RIN3: variants seen among roughly 807,000 people sequenced by gnomAD.
RIN3 encodes Ras and Rab interactor 3, also known as RAB5 interacting protein 3.
A neutral mutation model predicts 76.3 loss-of-function variants in RIN3; 54 were observed. The ratio of observed to expected loss-of-function variants is 0.71; its 90% confidence interval spans 0.57 to 0.89. The LOEUF (loss-of-function observed/expected upper bound fraction) is 0.89. Ranked by LOEUF, RIN3 falls within the 40% of genes least tolerant of loss-of-function variation. RIN3 has a pLI of 0.00. For synonymous variants in RIN3, 576 were observed against 564.0 expected (o/e 1.02, Z -0.30); for missense variants, 1,256 against 1,322.1 (o/e 0.95, Z 0.78).
chr14:92,594,420 G>A (rs1250083830), intron 3 of RIN3, among the ~76,000 whole-genome samples: 1 of 127,948 alleles, frequency 7.8e-6, no homozygotes, highest in African/African-American at 3.0e-5. Flanking sequence ...CAACAAGAGC[G>A]AAACTCTGTC....
intron 1 of RIN3, among the ~76,000 whole-genome samples, chr14:92,551,773 C>T (rs1238040428): frequency 6.6e-6 from 1 of 152,184 alleles, no homozygotes; most frequent in East Asian, 1.9e-4. Context: ...CTGTTCAAAT[C>T]TCTTGCCCAT....
At chr14:92,682,738 C>T (rs141373851) in intron 8 of RIN3, among the ~76,000 whole-genome samples, 2,648 of 152,334 alleles carry the variant, frequency 0.017, 74 homozygotes, top group Admixed American at 0.075. Context: ...CCTGCCTCTA[C>T]CCAAGCTGCA....
intron 3 of RIN3, among the ~76,000 whole-genome samples, chr14:92,605,353 C>T (rs1449632233): frequency 6.6e-5 from 10 of 152,190 alleles, no homozygotes; most frequent in East Asian, 5.8e-4. Context: ...TTATTAACAA[C>T]GACTATTGTC....
At chr14:92,651,469 A>G (rs1887416280) in intron 5 of RIN3, 113 bp from the exon 6 acceptor site, 1 of 594,134 alleles carries the variant, frequency 1.7e-6, no homozygotes, top group Admixed American at 2.6e-5. Flanking sequence ...GTAGTGAAGC[A>G]AATGCCTTGA....
At chr14:92,672,611 T>C (rs981222782) in intron 7 of RIN3, among the ~76,000 whole-genome samples, 8 of 152,092 alleles carry the variant, frequency 5.3e-5, no homozygotes, top group African/African-American at 1.9e-4. Context: ...TGTAGGGGGA[T>C]GCCCAAGAAA....
intron 2 of RIN3, among the ~76,000 whole-genome samples, chr14:92,566,884 G>A (rs1897928831): frequency 1.3e-5 from 2 of 152,108 alleles, no homozygotes; most frequent in African/African-American, 2.4e-5. Context: ...CTGCATGGAG[G>A]GTGTGATATT....
chr14:92,659,109 G>A (rs2140150391), intron 6 of RIN3, 52 bp from the exon 7 acceptor site: 1 of 1,557,908 alleles, frequency 6.4e-7, no homozygotes, highest in African/African-American at 1.4e-5. Context: ...GAACCAGGTG[G>A]CAGGATCCCT....
intron 4 of RIN3, among the ~76,000 whole-genome samples, chr14:92,628,289 G>C (rs929206862): frequency 3.3e-5 from 5 of 152,188 alleles, no homozygotes; most frequent in Non-Finnish European, 7.3e-5. Context: ...TCCCAGTAGA[G>C]AGTAAACTCC....
intron 2 of RIN3, among the ~76,000 whole-genome samples, chr14:92,566,327 A>C (rs1166687354): frequency 6.6e-6 from 1 of 152,204 alleles, no homozygotes; most frequent in East Asian, 1.9e-4. Flanking sequence ...TCATGGTTGC[A>C]AAATGGCAGC....
chr14:92,571,529 C>T (rs1182558543), intron 2 of RIN3, among the ~76,000 whole-genome samples: 1 of 152,128 alleles, frequency 6.6e-6, no homozygotes, highest in Non-Finnish European at 1.5e-5. Context: ...TCACAACACT[C>T]ACCCATACTC....
At chr14:92,663,805 A>T (rs926681531) in intron 7 of RIN3, among the ~76,000 whole-genome samples, 1 of 152,150 alleles carries the variant, frequency 6.6e-6, no homozygotes, top group Admixed American at 6.5e-5. Flanking sequence ...ATAGCCTTGG[A>T]CATTAATCTC....
Position 92,615,535 on chromosome 14 carries a change from AC to A in RIN3, c.440+59del, listed in dbSNP as rs1415919080. The A allele has an allele frequency of 4.8e-6, 7 of 1,454,030 alleles. No individual in the cohort carries two copies. In the East Asian group the frequency reaches 1.6e-4, roughly 33 times the overall value. 90.1% of individuals were successfully genotyped at this position (1,454,030 alleles called of 1,614,324 possible). A position where few individuals can be genotyped will look rare whatever the true frequency, so the allele number is the denominator to read the frequency against. On this transcript the variant is annotated intron_variant, in intron 4 of 9. Transcript: ENST00000216487. ...CTGGTTGTAGCAAACATCACATGCAACCCTGGGTGGGTGCAGGGGACTTCAC... is the reference window on the plus strand; with the variant it reads ...CTGGTTGTAGCAAACATCACATGCAACCTGGGTGGGTGCAGGGGACTTCAC...
intron 8 of RIN3, among the ~76,000 whole-genome samples, chr14:92,677,902 A>AC (rs1392251527): frequency 1.3e-5 from 2 of 149,336 alleles, no homozygotes; most frequent in Non-Finnish European, 3.0e-5. Context: ...CTATACGTCC[A>AC]CCCACCCATC....
At chr14:92,515,638 AT>A (rs1317851555) in intron 1 of RIN3, 4 of 226,354 alleles carry the variant, frequency 1.8e-5, no homozygotes, top group Non-Finnish European at 3.4e-5. Context: ...CATTTGCCAA[AT>A]GTGTAACCTT....
Position 92,685,253 on chromosome 14 carries a change from G to A in RIN3, c.2631+103G>A, listed in dbSNP as rs767258575. 64 of 1,241,278 alleles carry A rather than the reference G, an allele frequency of 5.2e-5. No individual in the cohort carries two copies. In the South Asian group the frequency reaches 7.7e-4, roughly 15 times the overall value. The allele number at this position is 1,241,278 out of a possible 1,614,324, so 76.9% of individuals were successfully genotyped here. ...GTGACATCACCTGGCTGCTCCAGCC[G>A]CCCAGCCCTGCCTTAGGGGAGCAGT... On this transcript the variant is annotated intron_variant, in intron 9 of 9. Coordinates refer to ENST00000216487, the MANE Select transcript of RIN3 (RefSeq NM_024832.5). This position sits in a 1 kb window ranked among gnomAD's most constrained non-coding sequence, Gnocchi z 4.7.
intron 8 of RIN3, 79 bp downstream of exon 8, chr14:92,676,685 A>C: frequency 6.7e-7 from 1 of 1,493,274 alleles, no homozygotes; most frequent in Non-Finnish European, 9.2e-7. Flanking sequence ...AGGTGGCCCA[A>C]CAAGCACCTC....
chr14:92,664,167 A>G (rs538832858), intron 7 of RIN3, among the ~76,000 whole-genome samples: 27 of 152,242 alleles, frequency 1.8e-4, no homozygotes, highest in African/African-American at 6.3e-4. Flanking sequence ...ACCCCAGACA[A>G]CGCTGCTTGT....
At chr14:92,625,471 C>T (rs564783499) in intron 4 of RIN3, among the ~76,000 whole-genome samples, 1 of 152,242 alleles carries the variant, frequency 6.6e-6, no homozygotes, top group East Asian at 1.9e-4. Flanking sequence ...TCTAGTAATA[C>T]TTTAACCACA....
At chr14:92,552,852 C>T (rs112890003) in intron 1 of RIN3, among the ~76,000 whole-genome samples, 114 of 151,938 alleles carry the variant, frequency 7.5e-4, no homozygotes, top group African/African-American at 2.4e-3. Context: ...ATGTAAATAC[C>T]GTGAAGGTTT....
Sources: allele counts gnomAD v4.1 joint callset (sites outside exome capture counted in the v4.1 genomes callset), GRCh38; gene constraint gnomAD v4.1.1; non-coding constraint Gnocchi (gnomAD v3.1); transcripts MANE v1.5; gene names NCBI Gene and HGNC (gene_info 2026-07-23, HGNC 2026-07-21).